Variants in PIBF1 observed in about 807,000 individuals in gnomAD.
PIBF1 encodes the protein progesterone-induced-blocking factor 1.
A neutral mutation model predicts 112.5 loss-of-function variants in PIBF1; 90 were observed. The ratio of observed to expected loss-of-function variants is 0.80; its 90% CI spans 0.67 to 0.95. The LOEUF (loss-of-function observed/expected upper bound fraction) is 0.95, where lower values mean the gene tolerates loss of function less well. Among genes scored for constraint, PIBF1 ranks in the 40% least tolerant of loss-of-function variants. The pLI is 0.00. For synonymous variants in PIBF1, 301 were observed against 288.6 expected (o/e 1.04, Z -0.44); for missense variants, 915 against 852.3 (o/e 1.07, Z -0.92).
chr13:72,969,822 G>A (rs548950397), intron 15 of PIBF1: 1 of 152,202 alleles, frequency 6.6e-6, no homozygotes, highest in East Asian at 1.9e-4. Context: ...TAAATTTAGG[G>A]GCATATATAA....
intron 14 of PIBF1, among the ~76,000 whole-genome samples, chr13:72,932,272 A>G (rs1172676550): frequency 1.3e-5 from 2 of 152,138 alleles, no homozygotes; most frequent in Non-Finnish European, 2.9e-5. Flanking sequence ...AGTTTTAAAA[A>G]CTATTTCTCT....
chr13:73,015,966 TC>T lies in PIBF1; in HGVS notation c.*48del. ...GTAGACCATTATATACTCCTGAAGT[TC>T]TTTTTCTGATGGAAAACAAAATTCA... On this transcript the variant is annotated 3_prime_UTR_variant, in exon 18 of 18. Coordinates refer to ENST00000326291, the MANE Select transcript of PIBF1 (RefSeq NM_006346.4). The T allele has an allele frequency of 1.7e-6, 2 of 1,209,314 alleles. No individual in the cohort carries two copies. Among genetic ancestry groups the T allele is most frequent in the Non-Finnish European group, 2.3e-6 (2 of 882,610 alleles). The allele number at this position is 1,209,314 out of a possible 1,614,324, so 74.9% of individuals were successfully genotyped here. A position where few individuals can be genotyped will look rare whatever the true frequency, so the allele number is the denominator to read the frequency against.
intron 3 of PIBF1, 83 bp downstream of exon 3, chr13:72,792,630 G>A: frequency 7.3e-6 from 5 of 683,166 alleles, no homozygotes; most frequent in Non-Finnish European, 7.2e-6. Context: ...GTTTGTGACT[G>A]TAAGCTAAAA....
At chr13:72,800,198 G>T (rs1441561817) in intron 5 of PIBF1, among the ~76,000 whole-genome samples, 1 of 152,074 alleles carries the variant, frequency 6.6e-6, no homozygotes, top group Non-Finnish European at 1.5e-5. Flanking sequence ...ACCACACCTG[G>T]CTAATTTATG....
intron 5 of PIBF1, among the ~76,000 whole-genome samples, chr13:72,802,789 A>G (rs945685702): frequency 1.3e-5 from 2 of 152,158 alleles, no homozygotes; most frequent in African/African-American, 4.8e-5. Flanking sequence ...TAAAGCCAGG[A>G]TGAGATTACC....
chr13:72,823,407 C>T (rs9285281), intron 6 of PIBF1, among the ~76,000 whole-genome samples: 1 of 151,978 alleles, frequency 6.6e-6, no homozygotes, highest in African/African-American at 2.4e-5. Context: ...AAAATATAAC[C>T]TTGATCAAAA....
At chr13:72,808,168 G>A (rs186540612) in intron 5 of PIBF1, among the ~76,000 whole-genome samples, 1 of 152,242 alleles carries the variant, frequency 6.6e-6, no homozygotes, top group East Asian at 1.9e-4. Flanking sequence ...TCTTGAGTAA[G>A]TACTTAAGTG....
chr13:72,827,661 A>G lies in PIBF1; in HGVS notation c.916-72A>G, dbSNP rs1010856887. 6.6e-6 allele frequency: 6 copies of G among 914,492 alleles called. No individual in the cohort carries two copies. The African/African-American group carries it at 1.0e-4, about 16-fold the overall frequency. The allele number at this position is 914,492 out of a possible 1,614,324, so 56.6% of individuals were successfully genotyped here. On this transcript the variant is annotated intron_variant, in intron 7 of 17. Coordinates refer to ENST00000326291, the MANE Select transcript of PIBF1 (RefSeq NM_006346.4). Reference sequence around the variant, plus strand: ...TGGTGAATGAAAACATGAAGGAAAGAAATTAATACAGTCAAGCTTGAAAAG... The same window carrying G: ...TGGTGAATGAAAACATGAAGGAAAGGAATTAATACAGTCAAGCTTGAAAAG...
At chr13:72,965,834 T>G (rs1383970000) in intron 15 of PIBF1, among the ~76,000 whole-genome samples, 4 of 152,196 alleles carry the variant, frequency 2.6e-5, no homozygotes, top group South Asian at 2.1e-4. Flanking sequence ...TTCCAAGGAA[T>G]TTTTAGGCTT....
rs534849421 is a variant in PIBF1, at chr13:72,804,309, G to A, written c.672+6283G>A. On this transcript the variant is annotated intron_variant, in intron 5 of 17. Coordinates refer to ENST00000326291, the MANE Select transcript of PIBF1 (RefSeq NM_006346.4). Reference sequence around the variant, plus strand: ...TAACAAATTTATGTATAATTTATATGTATAATTTAATATAAATTTTATGTG... The same window carrying A: ...TAACAAATTTATGTATAATTTATATATATAATTTAATATAAATTTTATGTG... Among the ~76,000 whole-genome samples the A allele has an allele frequency of 4.6e-5, 7 of 152,222 alleles. No homozygotes were observed. In the South Asian group the frequency reaches 1.2e-3, roughly 27 times the overall value.
At chr13:72,895,171 T>G (rs2040231724) in intron 11 of PIBF1, among the ~76,000 whole-genome samples, 1 of 151,984 alleles carries the variant, frequency 6.6e-6, no homozygotes, top group Non-Finnish European at 1.5e-5. Flanking sequence ...TATGTTTACT[T>G]TGGGAATTAA....
chr13:72,964,820 T>G (rs565430161), intron 14 of PIBF1, among the ~76,000 whole-genome samples: 1 of 152,298 alleles, frequency 6.6e-6, no homozygotes, highest in East Asian at 1.9e-4. Context: ...CCCCGCACTT[T>G]GGGAGGCTGA....
intron 5 of PIBF1, among the ~76,000 whole-genome samples, chr13:72,813,526 G>A (rs1214703703): frequency 6.6e-6 from 1 of 152,150 alleles, no homozygotes; most frequent in Non-Finnish European, 1.5e-5. Context: ...GTCATCTGAA[G>A]TCTTCTTTAG....
chr13:72,891,063 C>T (rs1208235486), intron 10 of PIBF1, among the ~76,000 whole-genome samples: 1 of 152,014 alleles, frequency 6.6e-6, no homozygotes, highest in Non-Finnish European at 1.5e-5. Flanking sequence ...TGTTTAACTT[C>T]TGTTAAATTT....
chr13:72,848,389 T>TA (rs1269365270), intron 9 of PIBF1, among the ~76,000 whole-genome samples: 1 of 152,224 alleles, frequency 6.6e-6, no homozygotes, highest in African/African-American at 2.4e-5. Context: ...AGTCTATTGT[T>TA]ACGAATGTTT....
At position 72,849,721 on chromosome 13, in the gene PIBF1, G is replaced by A. The variant is rs150189357; in HGVS notation, c.1224-4336G>A. Among the ~76,000 whole-genome samples, 22 of 152,286 alleles carry A rather than the reference G, an allele frequency of 1.4e-4. 1 individual carries two copies. Among genetic ancestry groups the A allele is most frequent in the African/African-American group, 5.3e-4 (22 of 41,548 alleles). Reference sequence around the variant, plus strand: ...TTCTCAAGGAGAAAACATCTGTGAAGCAAAGGAAATTTTAAGAGGCAGCAT... The same window carrying A: ...TTCTCAAGGAGAAAACATCTGTGAAACAAAGGAAATTTTAAGAGGCAGCAT... On this transcript the variant is annotated intron_variant, in intron 9 of 17. Transcript: ENST00000326291.
intron 14 of PIBF1, among the ~76,000 whole-genome samples, chr13:72,947,691 A>G (rs1253256720): frequency 6.6e-6 from 1 of 152,270 alleles, no homozygotes; most frequent in Admixed American, 6.5e-5. Context: ...TTCCTCAAGG[A>G]TCTAGAACCA....
At chr13:72,806,573 C>A (rs1345545133) in intron 5 of PIBF1, among the ~76,000 whole-genome samples, 2 of 151,972 alleles carry the variant, frequency 1.3e-5, no homozygotes, top group African/African-American at 4.8e-5. Flanking sequence ...TCTCCCTGGT[C>A]CAAGTGTTCT....
At chr13:72,796,280 C>A (rs1041943045) in intron 4 of PIBF1, among the ~76,000 whole-genome samples, 2 of 152,024 alleles carry the variant, frequency 1.3e-5, no homozygotes, top group Non-Finnish European at 2.9e-5. Context: ...CTAGGAAAGT[C>A]GTTTTGATCT....
Sources: allele counts gnomAD v4.1 joint callset (sites outside exome capture counted in the v4.1 genomes callset), GRCh38; gene constraint gnomAD v4.1.1; transcripts MANE v1.5; gene names NCBI Gene and HGNC (gene_info 2026-07-23, HGNC 2026-07-21).